The following FHIT variants were observed in gnomAD, a reference collection of about 807,000 sequenced individuals.
The protein encoded by FHIT is bis(5'-adenosyl)-triphosphatase.
In FHIT, 19 loss-of-function variants were observed where a neutral mutation model predicts 17.9. The observed-to-expected ratio is 1.06, with a 90% CI of 0.74 to 1.56. FHIT has a LOEUF of 1.56. FHIT is among the 40% of genes most tolerant of loss of function. The pLI is 0.00. For missense variants in FHIT, 248 were observed against 189.2 expected, an observed-to-expected ratio of 1.31 and a Z score of -1.82; for synonymous variants, 81 against 69.7, an observed-to-expected ratio of 1.16 and a Z score of -0.81.
chr3:60,689,225 G>A (rs558831025), intron 4 of FHIT, among the ~76,000 whole-genome samples: 13 of 152,070 alleles, frequency 8.5e-5, no homozygotes, highest in African/African-American at 1.2e-4. Context: ...GGCCTCCCCA[G>A]CCACGTGGAA....
intron 8 of FHIT, among the ~76,000 whole-genome samples, chr3:59,757,469 C>T (rs1344936829): frequency 6.8e-6 from 1 of 147,322 alleles, no homozygotes; most frequent in African/African-American, 2.6e-5. Flanking sequence ...TGTGTTATCA[C>T]AAGGTATATG....
chr3:59,939,754 G>A (rs1706420086), intron 7 of FHIT, among the ~76,000 whole-genome samples: 1 of 152,144 alleles, frequency 6.6e-6, no homozygotes, highest in Non-Finnish European at 1.5e-5. Context: ...GGCCATACCA[G>A]GCTCATGGAT....
At chr3:60,842,156 C>A (rs1007496292) in intron 3 of FHIT, among the ~76,000 whole-genome samples, 1 of 152,100 alleles carries the variant, frequency 6.6e-6, no homozygotes, top group African/African-American at 2.4e-5. Context: ...ATATCCTGCC[C>A]TCACGGATAA....
chr3:60,857,536 A>C (rs1553750270), intron 3 of FHIT, among the ~76,000 whole-genome samples: 47 of 152,030 alleles, frequency 3.1e-4, no homozygotes, highest in African/African-American at 1.1e-3. Context: ...TAGATAATAC[A>C]TGGAAAGCTT....
rs573110077 is a variant in FHIT, at chr3:60,648,800, G to A, written c.-17-111821C>T. On this transcript the variant is annotated intron_variant, in intron 4 of 9. Transcript: ENST00000492590. ...TCTGGCCCTTCCTAAAGGCGTTTGC[G>A]CCTGCCTTAAGCCAGAGACTCCCTT... is the stretch of plus-strand genomic sequence containing the variant. Among the ~76,000 whole-genome samples the A allele has an allele frequency of 2.4e-4, 37 of 152,266 alleles. No homozygotes were observed. The East Asian group carries it at 6.6e-3, about 27-fold the overall frequency.
intron 1 of FHIT, among the ~76,000 whole-genome samples, chr3:61,228,314 C>T (rs1439722734): frequency 6.6e-6 from 1 of 152,122 alleles, no homozygotes; most frequent in African/African-American, 2.4e-5. Context: ...TCATCAAGGG[C>T]GGGATACTGA....
intron 5 of FHIT, among the ~76,000 whole-genome samples, chr3:60,025,737 A>G (rs1484600186): frequency 1.3e-5 from 2 of 151,740 alleles, no homozygotes; most frequent in African/African-American, 4.8e-5. Flanking sequence ...TCTACCAGAA[A>G]AAAAAAAAAA....
intron 4 of FHIT, among the ~76,000 whole-genome samples, chr3:60,687,829 G>T (rs1208386897): frequency 6.6e-6 from 1 of 151,982 alleles, no homozygotes; most frequent in Non-Finnish European, 1.5e-5. Context: ...TGTATTTTGA[G>T]GCTGTTACCA....
intron 5 of FHIT, among the ~76,000 whole-genome samples, chr3:60,072,063 C>G (rs1052734287): frequency 1.3e-5 from 2 of 150,124 alleles, no homozygotes; most frequent in Non-Finnish European, 2.9e-5. Context: ...AGAGTGAGAA[C>G]AGACTAATAC....
chr3:59,798,919 G>T (rs530418420), intron 8 of FHIT, among the ~76,000 whole-genome samples: 2 of 152,204 alleles, frequency 1.3e-5, no homozygotes, highest in South Asian at 4.1e-4. Flanking sequence ...GGCATTGGAC[G>T]TATTTAAAAT....
intron 3 of FHIT, among the ~76,000 whole-genome samples, chr3:60,864,405 C>A (rs895376609): frequency 2.6e-5 from 4 of 152,054 alleles, no homozygotes; most frequent in Admixed American, 6.6e-5. Context: ...CTTTAGAGCC[C>A]ATGGTTTTAA....
chr3:60,397,490 G>A (rs1036778619), intron 5 of FHIT, among the ~76,000 whole-genome samples: 4 of 152,172 alleles, frequency 2.6e-5, no homozygotes, highest in Non-Finnish European at 5.9e-5. Flanking sequence ...AGGAGTCTAT[G>A]CTAACAGCTC....
At chr3:60,893,169 T>A (rs1392014956) in intron 3 of FHIT, among the ~76,000 whole-genome samples, 5 of 152,194 alleles carry the variant, frequency 3.3e-5, no homozygotes, top group African/African-American at 1.2e-4. Flanking sequence ...TCCTTATCTC[T>A]GAAGATGGAG....
At chr3:60,112,299 C>T (rs1038332345) in intron 5 of FHIT, among the ~76,000 whole-genome samples, 7 of 152,138 alleles carry the variant, frequency 4.6e-5, no homozygotes, top group African/African-American at 1.7e-4. Context: ...GCCACTCCTC[C>T]TGAAGCTGTC....
At chr3:60,190,337 T>A in intron 5 of FHIT, among the ~76,000 whole-genome samples, 2 of 142,046 alleles carry the variant, frequency 1.4e-5, no homozygotes, top group Admixed American at 7.2e-5. Flanking sequence ...GGCCAGAGAG[T>A]GGGAGTGAGA....
Position 60,485,975 on chromosome 3 carries a change from G to A in FHIT, c.103+50885C>T, listed in dbSNP as rs543706971. ...GAGTCAAAGATATGGTTATTTCAAA[G>A]AACAGTTTCCCTATCAATAGTCATT... On this transcript the variant is annotated intron_variant, in intron 5 of 9. Transcript: ENST00000492590. 1.1e-3 allele frequency among the ~76,000 whole-genome samples: 164 copies of A among 152,196 alleles called. 1 individual carries two copies. The highest frequency in any genetic ancestry group is 3.5e-3 in the African/African-American group (145 of 41,516).
At chr3:59,780,020 A>G (rs1404117198) in intron 8 of FHIT, among the ~76,000 whole-genome samples, 2 of 152,224 alleles carry the variant, frequency 1.3e-5, no homozygotes, top group Non-Finnish European at 2.9e-5. Flanking sequence ...CCTGCCTCAT[A>G]GTAGTTCCAC....
chr3:60,767,152 G>A (rs1230148897), intron 4 of FHIT, among the ~76,000 whole-genome samples: 1 of 152,004 alleles, frequency 6.6e-6, no homozygotes, highest in African/African-American at 2.4e-5. Flanking sequence ...ACAAATAACA[G>A]GCATTTTAAA....
At position 61,211,213 on chromosome 3, in the gene FHIT, C is replaced by T. The variant is rs143127792; in HGVS notation, c.-212-10548G>A. ...AAGCAGGGTGAGGCATTGCCTCACTCGGGAAGTGCAAGGGGTCAGAGATCT... is the reference window on the plus strand; with the variant it reads ...AAGCAGGGTGAGGCATTGCCTCACTTGGGAAGTGCAAGGGGTCAGAGATCT... On this transcript the variant is annotated intron_variant, in intron 1 of 9. Coordinates refer to ENST00000492590, the MANE Select transcript of FHIT (RefSeq NM_002012.4). Among the ~76,000 whole-genome samples, 966 of 151,914 alleles carry T rather than the reference C, an allele frequency of 6.4e-3. 9 individuals are homozygous for T. Among genetic ancestry groups the T allele is most frequent in the African/African-American group, 0.021 (890 of 41,482 alleles).
Sources: allele counts gnomAD v4.1 joint callset (sites outside exome capture counted in the v4.1 genomes callset), GRCh38; gene constraint gnomAD v4.1.1; transcripts MANE v1.5; gene names NCBI Gene and HGNC (gene_info 2026-07-23, HGNC 2026-07-21).